Variants in ZEB2 observed in about 807,000 individuals in gnomAD.
The protein encoded by ZEB2 is zinc finger E-box-binding homeobox 2.
A neutral mutation model predicts 99.9 loss-of-function variants in ZEB2; 6 were observed. The observed-to-expected ratio is 0.06, with a 90% CI of 0.03 to 0.12. The LOEUF is 0.12. Ranked by LOEUF, ZEB2 falls within the 10% of genes least tolerant of loss-of-function variation. The probability of loss-of-function intolerance (pLI) is 1.00; values close to 1 mark genes in which losing one functional copy is unlikely to be tolerated. For missense variants in ZEB2, 969 were observed against 1,502.8 expected (o/e 0.64, Z 5.87); for synonymous variants, 517 against 542.5 (o/e 0.95, Z 0.65).
At position 144,512,741 on chromosome 2, in the gene ZEB2, T is replaced by A. The variant is rs547498069; in HGVS notation, c.73+4537A>T. The A allele has an allele frequency of 3.1e-6, 4 of 1,287,188 alleles. No homozygotes were observed. In the African/African-American group the frequency reaches 6.1e-5, roughly 20 times the overall value. 79.7% of individuals were successfully genotyped at this position (1,287,188 alleles called of 1,614,324 possible). On this transcript the variant is annotated intron_variant, in intron 2 of 9. Transcript: ENST00000627532. Reference sequence around the variant, plus strand: ...GTTTCTACCCCAATTGGCTTAGTTTTTCCAGACCAAAATAAAACAAATAGA... The same window carrying A: ...GTTTCTACCCCAATTGGCTTAGTTTATCCAGACCAAAATAAAACAAATAGA...
At chr2:144,434,271 A>G (rs1395387717) in intron 2 of ZEB2, among the ~76,000 whole-genome samples, 1 of 152,202 alleles carries the variant, frequency 6.6e-6, no homozygotes, top group Non-Finnish European at 1.5e-5. Flanking sequence ...AAATCGTTCA[A>G]TGCCATCATC....
intron 4 of ZEB2, among the ~76,000 whole-genome samples, chr2:144,412,918 G>A (rs1703484985): frequency 1.3e-5 from 2 of 152,162 alleles, no homozygotes; most frequent in South Asian, 4.1e-4. Flanking sequence ...ACCTAGCATA[G>A]TGCCTGGGTC....
At chr2:144,512,945 C>T in intron 2 of ZEB2, 1 of 1,287,200 alleles carries the variant, frequency 7.8e-7, no homozygotes, top group South Asian at 1.2e-5. Flanking sequence ...CCTAGAAGCT[C>T]ATCAACTTTA....
intron 4 of ZEB2, among the ~76,000 whole-genome samples, chr2:144,417,457 T>C (rs1441633614): frequency 6.6e-6 from 1 of 152,198 alleles, no homozygotes; most frequent in Admixed American, 6.5e-5. Flanking sequence ...TCCACTTCCA[T>C]GAGAACAGCT....
intron 2 of ZEB2, among the ~76,000 whole-genome samples, chr2:144,480,302 C>A (rs548962784): frequency 6.6e-6 from 1 of 152,206 alleles, no homozygotes; most frequent in South Asian, 2.1e-4. Context: ...TTTCAAATTT[C>A]TCTTAGCTTT....
In ZEB2 at chr2:144,399,931, C is replaced by A; in HGVS notation, c.1256G>T (p.Gly419Val). 6.2e-7 allele frequency: 1 copy of A among 1,614,154 alleles called. No individual in the cohort carries two copies. Among genetic ancestry groups the A allele is most frequent in the South Asian group, 1.1e-5 (1 of 91,074 alleles). ...TCCTAAAGGGCTGGTGGCTCCAAGC[C>A]CACCATTCATAAAGGGACTAGTGCC... ...FSGTSPFMNG[G>V]LGATSPLGVH... is the part of the protein sequence containing the mutation. Residue 419 changes from glycine (G) to valine (V), a missense_variant, in exon 8 of 10, where the codon GGG (glycine) becomes GTG (valine). Around this residue, in one of 8 missense-constraint regions of ZEB2, gnomAD observed 227 missense variants for 278.2 expected, o/e 0.82. Coordinates refer to ENST00000627532, the MANE Select transcript of ZEB2 (RefSeq NM_014795.4). The surrounding 1 kb of genome is among the most constrained non-coding windows in gnomAD (Gnocchi z 5.6).
chr2:144,466,511 C>T (rs1436984058), intron 2 of ZEB2, among the ~76,000 whole-genome samples: 1 of 152,132 alleles, frequency 6.6e-6, no homozygotes. Flanking sequence ...CATGGCCCAT[C>T]TTTCTACATA....
intron 2 of ZEB2, among the ~76,000 whole-genome samples, chr2:144,451,174 G>A (rs1202517211): frequency 6.6e-6 from 1 of 152,178 alleles, no homozygotes; most frequent in Admixed American, 6.5e-5. Flanking sequence ...CTGGCACTTT[G>A]TAGAGGTCCT....
intron 2 of ZEB2, among the ~76,000 whole-genome samples, chr2:144,502,593 T>G (rs755907535): frequency 6.6e-6 from 1 of 152,172 alleles, no homozygotes; most frequent in Non-Finnish European, 1.5e-5. Flanking sequence ...TGCTAACTAA[T>G]CTCTTAGCAA....
intron 2 of ZEB2, chr2:144,494,469 T>C (rs1269124661): frequency 6.6e-6 from 1 of 152,260 alleles, no homozygotes; most frequent in Non-Finnish European, 1.5e-5. Context: ...TAATGTTAAA[T>C]TGTTGTTCTC....
chr2:144,429,650 A>C, intron 3 of ZEB2, 119 bp downstream of exon 3: 1 of 1,513,034 alleles, frequency 6.6e-7, no homozygotes, highest in Non-Finnish European at 9.1e-7. Flanking sequence ...CTATTCTGCA[A>C]GGGCTCAATG....
chr2:144,389,370 AC>A lies in ZEB2; in HGVS notation c.*80del. The stretch of plus-strand genomic sequence containing the variant: ...CTGGAAGCGTCAGGCACGTGCATGA[AC>A]AGCTTAACACAGCAGTGTTTTCAAG... On this transcript the variant is annotated 3_prime_UTR_variant, in exon 10 of 10. Coordinates refer to ENST00000627532, the MANE Select transcript of ZEB2 (RefSeq NM_014795.4). The surrounding 1 kb of genome is among the most constrained non-coding windows in gnomAD (Gnocchi z 6.8). 6.6e-7 allele frequency: 1 copy of A among 1,520,572 alleles called. No homozygotes were observed. Among genetic ancestry groups the A allele is most frequent in the Non-Finnish European group, 9.1e-7 (1 of 1,096,738 alleles). 94.2% of individuals were successfully genotyped at this position (1,520,572 alleles called of 1,614,324 possible). A position where few individuals can be genotyped will look rare whatever the true frequency, so the allele number is the denominator to read the frequency against.
At chr2:144,458,426 G>T (rs963715000) in intron 2 of ZEB2, among the ~76,000 whole-genome samples, 2 of 152,022 alleles carry the variant, frequency 1.3e-5, no homozygotes, top group East Asian at 1.9e-4. Context: ...TTGAGAGAGG[G>T]TTTGCAGTTC....
intron 2 of ZEB2, among the ~76,000 whole-genome samples, chr2:144,498,320 C>A (rs766906250): frequency 2.0e-5 from 3 of 150,102 alleles, no homozygotes; most frequent in Non-Finnish European, 4.4e-5. Context: ...ACCCTTGTGA[C>A]CCCTTGTAAA....
At chr2:144,477,414 A>G (rs1704445781) in intron 2 of ZEB2, among the ~76,000 whole-genome samples, 1 of 152,178 alleles carries the variant, frequency 6.6e-6, no homozygotes, top group South Asian at 2.1e-4. Context: ...TTTTTCTACC[A>G]TAAACCAACT....
rs140616014 is a variant in ZEB2 at position 144,450,619 on chromosome 2, A to C, written c.74-20593T>G. ...TCTTTAAAATAAGAATCATGCAAAG[A>C]AGTGTGTGGCTTACAACTGCATGTT... On this transcript the variant is annotated intron_variant, in intron 2 of 9. Transcript: ENST00000627532. Among the ~76,000 whole-genome samples, 211 of 152,300 alleles carry C rather than the reference A, an allele frequency of 1.4e-3. 1 individual carries two copies. Among genetic ancestry groups the C allele is most frequent in the Non-Finnish European group, 1.3e-3 (89 of 68,024 alleles).
chr2:144,388,259 G>GA lies in ZEB2; in HGVS notation c.*1191dup, dbSNP rs1201185884. On this transcript the variant is annotated 3_prime_UTR_variant, in exon 10 of 10. Transcript: ENST00000627532. The surrounding 1 kb of genome is among the most constrained non-coding windows in gnomAD (Gnocchi z 5.4). The stretch of plus-strand genomic sequence containing the variant: ...CCAAATTTGGAATTTCCAGTAATTG[G>GA]AAAAAAACAAAAATAAAATAATAAA... The GA allele has an allele frequency of 2.0e-5, 3 of 152,160 alleles. No homozygotes were observed. The highest frequency in any genetic ancestry group is 1.9e-4 in the East Asian group (1 of 5,178). 9.4% of individuals were successfully genotyped at this position (152,160 alleles called of 1,614,324 possible). A position where few individuals can be genotyped will look rare whatever the true frequency, so the allele number is the denominator to read the frequency against.
intron 2 of ZEB2, among the ~76,000 whole-genome samples, chr2:144,503,488 A>C (rs1704903472): frequency 6.6e-6 from 1 of 152,196 alleles, no homozygotes; most frequent in South Asian, 2.1e-4. Context: ...CAGAGCTAGA[A>C]AACGGTTTGA....
intron 2 of ZEB2, among the ~76,000 whole-genome samples, chr2:144,446,280 G>A (rs778238740): frequency 6.6e-6 from 1 of 151,948 alleles, no homozygotes; most frequent in Non-Finnish European, 1.5e-5. Flanking sequence ...GTAGTCAAAG[G>A]ATATTGAATC....
Sources: allele counts gnomAD v4.1 joint callset (sites outside exome capture counted in the v4.1 genomes callset), GRCh38; gene constraint gnomAD v4.1.1; regional missense constraint gnomAD v4.1.1; non-coding constraint Gnocchi (gnomAD v3.1); transcripts MANE v1.5; gene names NCBI Gene and HGNC (gene_info 2026-07-23, HGNC 2026-07-21).